The following MFSD8 variants were observed in gnomAD, a reference collection of about 807,000 sequenced individuals.
MFSD8 encodes major facilitator superfamily domain-containing protein 8.
A neutral mutation model predicts 66.4 loss-of-function variants in MFSD8; 55 were observed. That is an observed-to-expected ratio of 0.83 (90% CI 0.67 to 1.04). MFSD8 has a LOEUF of 1.04. Ranked by LOEUF, MFSD8 falls within the 50% of genes least tolerant of loss-of-function variation. MFSD8 has a pLI of 0.00. For missense variants in MFSD8, 550 were observed against 627.6 expected, an observed-to-expected ratio of 0.88 and a Z score of 1.32; for synonymous variants, 202 against 212.8, an observed-to-expected ratio of 0.95 and a Z score of 0.44.
chr4:127,944,963 G>T (rs1578918154), intron 3 of MFSD8, among the ~76,000 whole-genome samples: 1 of 152,316 alleles, frequency 6.6e-6, no homozygotes. Flanking sequence ...AAAATATTGG[G>T]ATTAGTGGCA....
At chr4:127,940,402 A>G (rs987742810) in intron 5 of MFSD8, among the ~76,000 whole-genome samples, 3 of 151,788 alleles carry the variant, frequency 2.0e-5, no homozygotes, top group African/African-American at 4.8e-5. Flanking sequence ...TCCATAGGCA[A>G]TTTAAATTAT....
At chr4:127,965,302 G>C (rs764957776), upstream of MFSD8, 16 of 758,154 alleles carry the variant, frequency 2.1e-5, no homozygotes, top group Non-Finnish European at 2.9e-5. Context: ...GCGGAAGGCC[G>C]GGCAGCGCAG....
At chr4:127,937,476 T>C (rs374436372) in intron 7 of MFSD8, among the ~76,000 whole-genome samples, 4 of 152,220 alleles carry the variant, frequency 2.6e-5, no homozygotes, top group East Asian at 3.8e-4. Flanking sequence ...CCATTCTCAG[T>C]CACTGCCCTA....
At position 127,921,851 on chromosome 4, in the gene MFSD8, T is replaced by C. The variant is rs766114843; in HGVS notation, c.1102+9A>G. 8 of 1,613,614 alleles carry C rather than the reference T, an allele frequency of 5.0e-6. No homozygotes were observed. The Middle Eastern group carries it at 8.3e-4, about 166-fold the overall frequency. On this transcript the variant is annotated intron_variant, in intron 10 of 11. Transcript: ENST00000641686. ...GAGGTTAACATTATAGAATTATGTA[T>C]GGCTATACCTTCCCACTGTATTTTG...
chr4:127,937,343 TCA>T (rs762699798), intron 7 of MFSD8, among the ~76,000 whole-genome samples: 7 of 152,206 alleles, frequency 4.6e-5, no homozygotes, highest in Non-Finnish European at 8.8e-5. Context: ...TTGTTCTCTC[TCA>T]TTCTTCCAGG....
At chr4:127,927,986 A>C (rs1737502073) in intron 9 of MFSD8, among the ~76,000 whole-genome samples, 2 of 152,048 alleles carry the variant, frequency 1.3e-5, no homozygotes, top group Non-Finnish European at 2.9e-5. Flanking sequence ...TTAGCCTCCT[A>C]AATTGCTGGG....
intron 4 of MFSD8, among the ~76,000 whole-genome samples, chr4:127,943,213 G>T (rs576926848): frequency 2.0e-5 from 3 of 146,492 alleles, no homozygotes; most frequent in Non-Finnish European, 1.5e-5. Flanking sequence ...GTAAGACTCC[G>T]TTTCAAAAAA....
intron 8 of MFSD8, 168 bp downstream of exon 8, chr4:127,932,817 T>C: frequency 1.8e-6 from 1 of 556,228 alleles, no homozygotes; most frequent in Non-Finnish European, 3.2e-6. Flanking sequence ...AATAATTAAC[T>C]ACATTCAAGT....
At position 127,943,811 on chromosome 4, in the gene MFSD8, G is replaced by T. The variant is rs1331050396; in HGVS notation, c.380C>A (p.Pro127Gln). The T allele has an allele frequency of 6.2e-7, 1 of 1,614,100 alleles. No homozygotes were observed. The highest frequency in any genetic ancestry group is 2.2e-5 in the East Asian group (1 of 44,868). The change falls in exon 4 of 12, where the codon CCA becomes CAA. Residue 127 changes from proline to glutamine, a missense_variant. Transcript: ENST00000641686. Reference protein sequence around the residue: ...ANCLYAYLHIPASHNKYYMLV... With the variant: ...ANCLYAYLHIQASHNKYYMLV... ...CATGTAGTATTTATTATGAGAAGCTGGGATGTGGAGATATGCATAGAGGCA... is the reference window on the plus strand; with the variant it reads ...CATGTAGTATTTATTATGAGAAGCTTGGATGTGGAGATATGCATAGAGGCA...
chr4:127,935,244 C>T (rs1484004146), intron 7 of MFSD8, among the ~76,000 whole-genome samples: 7 of 152,128 alleles, frequency 4.6e-5, no homozygotes, highest in Admixed American at 4.6e-4. Context: ...GATTCTTAAT[C>T]ACCACCTAGA....
At chr4:127,932,923 T>C (rs1016062625) in intron 8 of MFSD8, 62 bp downstream of exon 8, 44 of 1,437,726 alleles carry the variant, frequency 3.1e-5, no homozygotes, top group South Asian at 1.0e-4. Context: ...CTAATTAACA[T>C]TGCATTAAGA....
intron 6 of MFSD8, 64 bp downstream of exon 6, chr4:127,939,789 C>A (rs1473014447): frequency 1.3e-6 from 2 of 1,498,616 alleles, no homozygotes; most frequent in Non-Finnish European, 9.2e-7. Context: ...TATCTTCCAA[C>A]AATTACAAAG....
intron 2 of MFSD8, 118 bp downstream of exon 2, chr4:127,957,383 C>A: frequency 3.9e-6 from 3 of 762,818 alleles, no homozygotes; most frequent in Non-Finnish European, 6.7e-6. Flanking sequence ...AAATTTATGT[C>A]ACGTATTTTT....
chr4:127,949,743 A>G, intron 3 of MFSD8, 61 bp downstream of exon 3: 1 of 1,375,934 alleles, frequency 7.3e-7, no homozygotes, highest in Non-Finnish European at 1.0e-6. Context: ...GAAAATGCTT[A>G]ACTACGTAAG....
chr4:127,955,078 T>A (rs1742625590), intron 2 of MFSD8, among the ~76,000 whole-genome samples: 1 of 151,960 alleles, frequency 6.6e-6, no homozygotes. Context: ...TTCCAAAAAA[T>A]TAAAAAATTA....
intron 9 of MFSD8, among the ~76,000 whole-genome samples, chr4:127,924,806 A>G (rs1736924378): frequency 6.6e-6 from 1 of 152,214 alleles, no homozygotes; most frequent in South Asian, 2.1e-4. Flanking sequence ...CAAAAAGAAC[A>G]AAGCTGAAGA....
chr4:127,923,552 TTTATTA>T (rs200387529), intron 9 of MFSD8, among the ~76,000 whole-genome samples: 1,685 of 130,542 alleles, frequency 0.013, 22 homozygotes, highest in East Asian at 0.044. Context: ...TTTATTTTTA[TTTATTA>T]TTATTATTAT....
upstream of MFSD8, chr4:127,965,531 C>T (rs1252378902): frequency 1.6e-5 from 5 of 308,720 alleles, 1 homozygote; most frequent in Middle Eastern, 3.2e-3. Context: ...AAAGTTGAGT[C>T]CTGGAAAGGG....
chr4:127,957,536 C>G lies in MFSD8; in HGVS notation c.119G>C (p.Arg40Thr), dbSNP rs768336733. ...GAGAAACATAGTAAGATATAAAATC[C>G]TAATAGATCTCCATCGGCTCTTATA... is the stretch of plus-strand genomic sequence containing the variant. ...EHYKSRWRSI[R>T]ILYLTMFLSS... Residue 40 changes from arginine (R) to threonine (T), a missense_variant, in exon 2 of 12, where the codon AGG (arginine) becomes ACG (threonine). Physicochemically the swap from Arg to Thr is moderately conservative, Grantham distance 71. Coordinates refer to ENST00000641686, the MANE Select transcript of MFSD8 (RefSeq NM_001371596.2). The G allele has an allele frequency of 1.2e-6, 2 of 1,611,618 alleles. No individual in the cohort carries two copies. Among genetic ancestry groups the G allele is most frequent in the Admixed American group, 3.3e-5 (2 of 59,944 alleles).
Sources: allele counts gnomAD v4.1 joint callset (sites outside exome capture counted in the v4.1 genomes callset), GRCh38; gene constraint gnomAD v4.1.1; transcripts MANE v1.5; gene names NCBI Gene and HGNC (gene_info 2026-07-23, HGNC 2026-07-21).